Variants in RAI14 observed in about 807,000 individuals in gnomAD.
RAI14 encodes ankycorbin.
In RAI14, 45 loss-of-function variants were observed where a neutral mutation model predicts 115.4. The observed-to-expected ratio is 0.39, with a 90% CI of 0.31 to 0.50. The LOEUF (loss-of-function observed/expected upper bound fraction) is 0.50, where lower values mean the gene tolerates loss of function less well. Ranked by LOEUF, RAI14 falls within the 20% of genes least tolerant of loss-of-function variation. The probability of loss-of-function intolerance (pLI) is 0.85; values close to 1 mark genes in which losing one functional copy is unlikely to be tolerated. For synonymous variants in RAI14, 371 were observed against 415.4 expected (o/e 0.89, Z 1.30); for missense variants, 939 against 1,131.2 (o/e 0.83, Z 2.44).
intron 6 of RAI14, 137 bp from the exon 7 acceptor site, chr5:34,808,447 C>T: frequency 1.3e-6 from 1 of 776,216 alleles, no homozygotes; most frequent in South Asian, 1.8e-5. Flanking sequence ...TTCCTAATAC[C>T]ATTTCTCTTC....
chr5:34,691,754 C>G (rs1357258757), intron 2 of RAI14, among the ~76,000 whole-genome samples: 1 of 152,062 alleles, frequency 6.6e-6, no homozygotes, highest in African/African-American at 2.4e-5. Flanking sequence ...TTATATATTT[C>G]ATTGTAATAG....
At chr5:34,742,276 T>C (rs1006188013) in intron 2 of RAI14, among the ~76,000 whole-genome samples, 1 of 152,206 alleles carries the variant, frequency 6.6e-6, no homozygotes, top group African/African-American at 2.4e-5. Context: ...TAAGTCTATA[T>C]GTGCTGAGTG....
At chr5:34,762,344 A>G (rs913136430) in intron 3 of RAI14, among the ~76,000 whole-genome samples, 2 of 152,086 alleles carry the variant, frequency 1.3e-5, no homozygotes, top group Non-Finnish European at 2.9e-5. Flanking sequence ...AAGTCCCAAC[A>G]ATGTGGCAAC....
At chr5:34,665,516 A>G (rs1263540871) in intron 1 of RAI14, among the ~76,000 whole-genome samples, 3 of 146,718 alleles carry the variant, frequency 2.0e-5, no homozygotes, top group African/African-American at 5.0e-5. Flanking sequence ...TTTCTCTAAG[A>G]GGAATCCATT....
In RAI14 at chr5:34,824,326, C is replaced by G; in HGVS notation, c.2484C>G (p.Val828=). ...AGGTTGTCCAGATTAGAAGTGAGGTCTCACAGGTGAAAAGAGAAAAGGAAA... is the reference window on the plus strand; with the variant it reads ...AGGTTGTCCAGATTAGAAGTGAGGTGTCACAGGTGAAAAGAGAAAAGGAAA... ...HSEVVQIRSE[V]SQVKREKENI... The change falls in exon 15 of 18, where the codon GTC becomes GTG. Residue 828 remains valine, a synonymous_variant. Coordinates refer to ENST00000265109, the MANE Select transcript of RAI14 (RefSeq NM_015577.3). 1 of 1,614,064 alleles carries G rather than the reference C, an allele frequency of 6.2e-7. No homozygotes were observed. Among genetic ancestry groups the G allele is most frequent in the Non-Finnish European group, 8.5e-7 (1 of 1,179,960 alleles).
chr5:34,831,847 G>T lies in RAI14; in HGVS notation c.*1082G>T, dbSNP rs2150322310. The stretch of plus-strand genomic sequence containing the variant: ...CAGCCATGGTGTCTTCAGAATTGTA[G>T]CGCATTTCTGAATCTAGCAAATCCT... On this transcript the variant is annotated 3_prime_UTR_variant, in exon 18 of 18. Coordinates refer to ENST00000265109, the MANE Select transcript of RAI14 (RefSeq NM_015577.3). 1 of 152,166 alleles carries T rather than the reference G, an allele frequency of 6.6e-6. No homozygotes were observed. The highest frequency in any genetic ancestry group is 1.9e-4 in the East Asian group (1 of 5,172). 9.4% of individuals were successfully genotyped at this position (152,166 alleles called of 1,614,324 possible).
intron 3 of RAI14, among the ~76,000 whole-genome samples, chr5:34,763,216 G>C (rs1480293637): frequency 6.6e-6 from 1 of 152,294 alleles, no homozygotes; most frequent in East Asian, 1.9e-4. Flanking sequence ...TACACCAGCA[G>C]TTCAGTCTTG....
chr5:34,770,938 G>A (rs1012209230), intron 3 of RAI14, among the ~76,000 whole-genome samples: 98 of 152,124 alleles, frequency 6.4e-4, no homozygotes, highest in African/African-American at 2.3e-3. Flanking sequence ...GCAGTTTGAG[G>A]TGGTCAGGAT....
intron 1 of RAI14, among the ~76,000 whole-genome samples, chr5:34,672,474 A>C (rs1049181455): frequency 2.6e-5 from 4 of 152,188 alleles, no homozygotes; most frequent in Admixed American, 2.6e-4. Context: ...TTATGCCTGC[A>C]CACAGAAAGT....
intron 2 of RAI14, among the ~76,000 whole-genome samples, chr5:34,731,687 T>C (rs371904172): frequency 5.9e-5 from 9 of 152,122 alleles, no homozygotes; most frequent in African/African-American, 2.2e-4. Flanking sequence ...AGAACTCATC[T>C]GGGGAAAAAA....
At chr5:34,814,959 CAA>C (rs965534707) in intron 12 of RAI14, among the ~76,000 whole-genome samples, 2 of 151,892 alleles carry the variant, frequency 1.3e-5, no homozygotes, top group Non-Finnish European at 2.9e-5. Flanking sequence ...AAAAAAGAGA[CAA>C]GAGGGCTGGG....
chr5:34,773,525 G>A (rs530085624), intron 3 of RAI14, among the ~76,000 whole-genome samples: 89 of 151,994 alleles, frequency 5.9e-4, no homozygotes, highest in Non-Finnish European at 1.0e-3. Flanking sequence ...ACTAATATCC[G>A]GAATACACAA....
intron 2 of RAI14, among the ~76,000 whole-genome samples, chr5:34,704,645 A>G (rs1421443871): frequency 6.6e-6 from 1 of 152,210 alleles, no homozygotes; most frequent in Admixed American, 6.5e-5. Flanking sequence ...GATACTCTCT[A>G]ATTCTGTTCC....
Position 34,832,114 on chromosome 5 carries a change from G to C in RAI14, c.*1349G>C, listed in dbSNP as rs1416537738. ...ATGGCATTAATCTTGTTGAGGGAGA[G>C]AGACAGAATCCTGGACTCTCCAAAG... On this transcript the variant is annotated 3_prime_UTR_variant, in exon 18 of 18. Coordinates refer to ENST00000265109, the MANE Select transcript of RAI14 (RefSeq NM_015577.3). 4 of 152,294 alleles carry C rather than the reference G, an allele frequency of 2.6e-5. No homozygotes were observed. The East Asian group carries it at 5.8e-4, about 22-fold the overall frequency. The allele number at this position is 152,294 out of a possible 1,614,324, so 9.4% of individuals were successfully genotyped here.
chr5:34,666,924 A>G (rs1225285424), intron 1 of RAI14, among the ~76,000 whole-genome samples: 1 of 152,200 alleles, frequency 6.6e-6, no homozygotes, highest in Non-Finnish European at 1.5e-5. Flanking sequence ...TAAGAGTTTT[A>G]GCCAGGTTAG....
chr5:34,789,608 G>A (rs1026257729), intron 3 of RAI14, among the ~76,000 whole-genome samples: 9 of 152,028 alleles, frequency 5.9e-5, no homozygotes, highest in African/African-American at 2.2e-4. Flanking sequence ...CCCTCTCTTC[G>A]TTTTTTAAGC....
chr5:34,752,733 G>GTATA (rs1314736589), intron 2 of RAI14, among the ~76,000 whole-genome samples: 4 of 100,594 alleles, frequency 4.0e-5, no homozygotes, highest in African/African-American at 8.1e-5. Context: ...GTGTGTGTGT[G>GTATA]TGTGTGTGTG....
At chr5:34,665,755 T>G (rs1385837775) in intron 1 of RAI14, among the ~76,000 whole-genome samples, 1 of 152,180 alleles carries the variant, frequency 6.6e-6, no homozygotes, top group East Asian at 1.9e-4. Context: ...GAACCCACAA[T>G]GACCACCTCT....
At chr5:34,828,389 C>T (rs1270501071) in intron 16 of RAI14, among the ~76,000 whole-genome samples, 2 of 151,828 alleles carry the variant, frequency 1.3e-5, no homozygotes. Context: ...CAAAGCCAAG[C>T]GAATGATGAC....
Sources: gnomAD v4.1 joint callset for allele counts (sites outside exome capture counted in the v4.1 genomes callset) on GRCh38, gnomAD v4.1.1 for gene constraint, MANE v1.5 for transcripts, NCBI Gene and HGNC (gene_info 2026-07-23, HGNC 2026-07-21) for gene names.